Variants in PTPN1 observed in about 807,000 individuals in gnomAD.
PTPN1 encodes tyrosine-protein phosphatase non-receptor type 1.
A neutral mutation model predicts 59.9 loss-of-function variants in PTPN1; 12 were observed. That is an observed-to-expected ratio of 0.20 (90% CI 0.13 to 0.32). PTPN1 has a LOEUF of 0.32. Among genes scored for constraint, PTPN1 ranks in the 10% least tolerant of loss-of-function variants. PTPN1 has a pLI of 1.00. For synonymous variants in PTPN1, 178 were observed against 203.6 expected (o/e 0.87, Z 1.07); for missense variants, 356 against 549.2 (o/e 0.65, Z 3.52).
intron 1 of PTPN1, among the ~76,000 whole-genome samples, chr20:50,554,926 A>G (rs2082719843): frequency 6.6e-6 from 1 of 152,208 alleles, no homozygotes; most frequent in East Asian, 1.9e-4. Flanking sequence ...AAGCAGCTAA[A>G]CTAGCAATAT....
chr20:50,531,565 C>T (rs928826982), intron 1 of PTPN1, among the ~76,000 whole-genome samples: 4 of 152,076 alleles, frequency 2.6e-5, no homozygotes, highest in Middle Eastern at 3.2e-3. Flanking sequence ...TTGGTAGAAA[C>T]GGGGTTTCAC....
At chr20:50,515,218 C>T (rs947116412) in intron 1 of PTPN1, among the ~76,000 whole-genome samples, 2 of 152,212 alleles carry the variant, frequency 1.3e-5, no homozygotes, top group African/African-American at 4.8e-5. Context: ...GGCTTCCATT[C>T]TAGCCAGACA....
At chr20:50,515,275 A>G (rs1462890931) in intron 1 of PTPN1, among the ~76,000 whole-genome samples, 1 of 152,132 alleles carries the variant, frequency 6.6e-6, no homozygotes, top group Non-Finnish European at 1.5e-5. Flanking sequence ...TCATTCCTCT[A>G]TACCATTGCT....
At chr20:50,579,585 CAGCCCTGAGAGGCCGAG>C in intron 7 of PTPN1, 101 bp from the exon 8 acceptor site, 1 of 963,352 alleles carries the variant, frequency 1.0e-6, no homozygotes, top group East Asian at 2.4e-5. Flanking sequence ...TACATGGCTG[CAGCCCTGAGAGGCCGAG>C]AGCCCCTCGC....
At chr20:50,522,729 T>G (rs1034085226) in intron 1 of PTPN1, among the ~76,000 whole-genome samples, 2 of 152,168 alleles carry the variant, frequency 1.3e-5, no homozygotes, top group Non-Finnish European at 2.9e-5. Context: ...TTTTGTACCT[T>G]TCTCCAGAGG....
Position 50,582,561 on chromosome 20 carries a change from AAAT to A in PTPN1, c.1285-128_1285-126del. 1.1e-6 allele frequency: 1 copy of A among 938,534 alleles called. No individual in the cohort carries two copies. The highest frequency in any genetic ancestry group is 1.6e-6 in the Non-Finnish European group (1 of 622,788). The allele number at this position is 938,534 out of a possible 1,614,324, so 58.1% of individuals were successfully genotyped here. ...TTTGGGGAGAGGGGGCTACTGTAAA[AAAT>A]AAAACCAAAACCCCCTTTGCTCCCT... On this transcript the variant is annotated intron_variant, in intron 9 of 9. Transcript: ENST00000371621. The surrounding 1 kb of genome is among the most constrained non-coding windows in gnomAD (Gnocchi z 4.2).
intron 1 of PTPN1, among the ~76,000 whole-genome samples, chr20:50,545,171 G>A (rs1300669445): frequency 6.6e-6 from 1 of 151,844 alleles, no homozygotes; most frequent in Non-Finnish European, 1.5e-5. Flanking sequence ...GTCTAGGCTG[G>A]TTCCAAACTC....
At chr20:50,518,287 T>G (rs1357351637) in intron 1 of PTPN1, among the ~76,000 whole-genome samples, 1 of 152,136 alleles carries the variant, frequency 6.6e-6, no homozygotes, top group Non-Finnish European at 1.5e-5. Context: ...CCAAATAGAG[T>G]TCTCTTAAGA....
At chr20:50,551,811 C>G (rs2082703247) in intron 1 of PTPN1, among the ~76,000 whole-genome samples, 1 of 152,184 alleles carries the variant, frequency 6.6e-6, no homozygotes, top group East Asian at 1.9e-4. Context: ...TGTTTTTGTT[C>G]AGGGGACTCT....
At chr20:50,516,531 C>T (rs2082529760) in intron 1 of PTPN1, among the ~76,000 whole-genome samples, 1 of 152,132 alleles carries the variant, frequency 6.6e-6, no homozygotes. Context: ...AAAACTGCAG[C>T]AGTTACTCAG....
At chr20:50,510,839 C>T (rs944323261) in intron 1 of PTPN1, among the ~76,000 whole-genome samples, 4 of 151,966 alleles carry the variant, frequency 2.6e-5, no homozygotes, top group African/African-American at 4.8e-5. Context: ...CGGGTGATCT[C>T]TCAAGCCGGG....
intron 8 of PTPN1, among the ~76,000 whole-genome samples, chr20:50,580,451 C>G (rs1422932982): frequency 6.6e-6 from 1 of 152,158 alleles, no homozygotes; most frequent in Admixed American, 6.5e-5. Context: ...GTGTTCTAGA[C>G]CATCTTGCTG....
intron 4 of PTPN1, among the ~76,000 whole-genome samples, chr20:50,569,602 C>T (rs1238418894): frequency 1.3e-5 from 2 of 151,988 alleles, no homozygotes; most frequent in Non-Finnish European, 2.9e-5. Context: ...TCCATGTAAA[C>T]TGTCCTGTGT....
chr20:50,511,903 A>G (rs2082509197), intron 1 of PTPN1, among the ~76,000 whole-genome samples: 2 of 152,196 alleles, frequency 1.3e-5, no homozygotes, highest in African/African-American at 4.8e-5. Context: ...ATTAAAATCT[A>G]TTTTGAGCTC....
intron 2 of PTPN1, among the ~76,000 whole-genome samples, chr20:50,562,379 T>G (rs2082756915): frequency 6.6e-6 from 1 of 152,308 alleles, no homozygotes; most frequent in East Asian, 1.9e-4. Context: ...CCCAGATTCC[T>G]GGAAGGGGTC....
At chr20:50,548,230 A>C (rs2082684487) in intron 1 of PTPN1, among the ~76,000 whole-genome samples, 1 of 152,074 alleles carries the variant, frequency 6.6e-6, no homozygotes, top group African/African-American at 2.4e-5. Flanking sequence ...GACTGGGCTT[A>C]GTCTAGCGTT....
chr20:50,510,420 A>C lies in PTPN1; in HGVS notation c.-108A>C, dbSNP rs1176451013. 3.2e-6 allele frequency: 4 copies of C among 1,235,776 alleles called. No individual in the cohort carries two copies. The highest frequency in any genetic ancestry group is 4.5e-6 in the Non-Finnish European group (4 of 890,992). 76.6% of individuals were successfully genotyped at this position (1,235,776 alleles called of 1,614,324 possible). On this transcript the variant is annotated 5_prime_UTR_variant, in exon 1 of 10. Transcript: ENST00000371621. Reference sequence around the variant, plus strand: ...CAGCGGCTAGGGCGGCGGTAGCTGCAGGGGTCGGGGATTGCAGCGGGCCTC... The same window carrying C: ...CAGCGGCTAGGGCGGCGGTAGCTGCCGGGGTCGGGGATTGCAGCGGGCCTC...
intron 1 of PTPN1, among the ~76,000 whole-genome samples, chr20:50,549,566 T>C (rs1024038246): frequency 2.0e-5 from 3 of 152,216 alleles, no homozygotes; most frequent in Non-Finnish European, 4.4e-5. Flanking sequence ...TGCTGCCTTT[T>C]CAATGCTGAC....
intron 1 of PTPN1, among the ~76,000 whole-genome samples, chr20:50,544,634 G>C (rs2082666942): frequency 6.6e-6 from 1 of 152,240 alleles, no homozygotes. Context: ...GGGACATGAA[G>C]GAGCAGGTTC....
Sources: gnomAD v4.1 joint callset for allele counts (sites outside exome capture counted in the v4.1 genomes callset) on GRCh38, gnomAD v4.1.1 for gene constraint, Gnocchi (gnomAD v3.1) non-coding constraint, MANE v1.5 for transcripts, NCBI Gene and HGNC (gene_info 2026-07-23, HGNC 2026-07-21) for gene names.